Variants in MAGI2 observed in about 807,000 individuals in gnomAD.
MAGI2 encodes the protein membrane associated guanylate kinase, WW and PDZ domain containing 2.
MAGI2 carries 35 observed loss-of-function variants against 133.3 expected under a neutral mutation model. The observed-to-expected ratio is 0.26, with a 90% CI of 0.20 to 0.35. The LOEUF is 0.35. Among genes scored for constraint, MAGI2 ranks in the 10% least tolerant of loss-of-function variants. The pLI is 1.00. For missense variants in MAGI2, 1,636 were observed against 1,863.4 expected, an observed-to-expected ratio of 0.88 and a Z score of 2.25; for synonymous variants, 729 against 710.6, an observed-to-expected ratio of 1.03 and a Z score of -0.41.
At chr7:78,511,554 T>TAA (rs372551773) in intron 4 of MAGI2, among the ~76,000 whole-genome samples, 21,199 of 101,424 alleles carry the variant, frequency 0.21, 1,391 homozygotes, top group South Asian at 0.38. Flanking sequence ...TATATAAATT[T>TAA]TTTTTTTTTT....
At position 78,829,224 on chromosome 7, in the gene MAGI2, G is replaced by C. The variant is rs138681997; in HGVS notation, c.418+177866C>G. On this transcript the variant is annotated intron_variant, in intron 2 of 21. Coordinates refer to ENST00000354212, the MANE Select transcript of MAGI2 (RefSeq NM_012301.4). ...TAAATTTTTATTAGTGTCCATCTAG[G>C]TTACAAGATTTTTCTTTTCTGTGAA... 2.6e-3 allele frequency among the ~76,000 whole-genome samples: 399 copies of C among 151,912 alleles called. 1 individual carries two copies. The highest frequency in any genetic ancestry group is 0.017 in the Middle Eastern group (5 of 294).
At chr7:78,179,550 A>G (rs1584283915) in intron 13 of MAGI2, among the ~76,000 whole-genome samples, 3 of 152,310 alleles carry the variant, frequency 2.0e-5, no homozygotes, top group Non-Finnish European at 4.4e-5. Flanking sequence ...GTGCTCTTTT[A>G]AATAAAGATG....
chr7:78,567,067 A>T (rs1052666151), intron 3 of MAGI2, among the ~76,000 whole-genome samples: 1 of 152,220 alleles, frequency 6.6e-6, no homozygotes, highest in African/African-American at 2.4e-5. Flanking sequence ...TTGAGAAAAC[A>T]CATAGTTTAC....
chr7:78,355,778 T>C (rs1035741757), intron 7 of MAGI2, among the ~76,000 whole-genome samples: 4 of 152,202 alleles, frequency 2.6e-5, no homozygotes, highest in Admixed American at 2.6e-4. Flanking sequence ...CAGTTTTCAT[T>C]ACGAAATTGG....
At chr7:78,326,643 A>T (rs1022569251) in intron 9 of MAGI2, among the ~76,000 whole-genome samples, 1 of 152,120 alleles carries the variant, frequency 6.6e-6, no homozygotes, top group East Asian at 1.9e-4. Context: ...ACAGAAGGGG[A>T]GGTGGAAGAG....
chr7:78,718,715 G>C (rs1000989533), intron 2 of MAGI2, among the ~76,000 whole-genome samples: 6 of 151,926 alleles, frequency 3.9e-5, no homozygotes, highest in Non-Finnish European at 8.8e-5. Context: ...AATAATAATA[G>C]AAATAAAGTA....
At chr7:78,860,525 G>T (rs1425575394) in intron 2 of MAGI2, among the ~76,000 whole-genome samples, 1 of 152,180 alleles carries the variant, frequency 6.6e-6, no homozygotes, top group African/African-American at 2.4e-5. Flanking sequence ...GACCCTGTTT[G>T]CCTGGGTATC....
intron 2 of MAGI2, among the ~76,000 whole-genome samples, chr7:78,828,250 G>T (rs1175163835): frequency 6.6e-6 from 1 of 152,118 alleles, no homozygotes. Flanking sequence ...TGGCAAAAGG[G>T]GTAATGAGAG....
rs10666435 is a variant in MAGI2 at position 78,853,957 on chromosome 7, T to TTCTCTC, written c.418+153127_418+153132dup. Among the ~76,000 whole-genome samples, 43 of 148,592 alleles carry TTCTCTC rather than the reference T, an allele frequency of 2.9e-4. No homozygotes were observed. In the East Asian group the frequency reaches 3.6e-3, roughly 13 times the overall value. ...ATCTACTGCTGTTATGTTGATATGTTTCTCTCTCTCTCTCTCTCTCTGTGA... is the reference window on the plus strand; with the variant it reads ...ATCTACTGCTGTTATGTTGATATGTTTCTCTCTCTCTCTCTCTCTCTCTCTCTGTGA... On this transcript the variant is annotated intron_variant, in intron 2 of 21. Coordinates refer to ENST00000354212, the MANE Select transcript of MAGI2 (RefSeq NM_012301.4).
rs188633441 is a variant in MAGI2, at chr7:79,001,102, A to T, written c.418+5988T>A. On this transcript the variant is annotated intron_variant, in intron 2 of 21. Transcript: ENST00000354212. ...CATCTAATTTTTGTATTTTTAGTAG[A>T]AATGGGGTTTCACCATGTTGGCCAG... Among the ~76,000 whole-genome samples, 452 of 152,262 alleles carry T rather than the reference A, an allele frequency of 3.0e-3. 1 individual carries two copies. The highest frequency in any genetic ancestry group is 0.01 in the African/African-American group (432 of 41,564).
At chr7:78,376,831 C>A (rs2151281824) in intron 6 of MAGI2, among the ~76,000 whole-genome samples, 1 of 152,072 alleles carries the variant, frequency 6.6e-6, no homozygotes, top group East Asian at 1.9e-4. Flanking sequence ...CTGGTAAAGA[C>A]TTAGCAAGAG....
chr7:78,914,494 T>G (rs963426849), intron 2 of MAGI2, among the ~76,000 whole-genome samples: 6 of 152,174 alleles, frequency 3.9e-5, no homozygotes, highest in African/African-American at 1.4e-4. Context: ...TTGTGTGAAA[T>G]AATTTGATCT....
intron 10 of MAGI2, among the ~76,000 whole-genome samples, chr7:78,215,257 G>T (rs561942446): frequency 2.3e-4 from 35 of 152,090 alleles, no homozygotes; most frequent in Non-Finnish European, 3.8e-4. Flanking sequence ...GAACATGGGG[G>T]GATAAGGATT....
At chr7:78,220,457 A>G (rs1006025035) in intron 10 of MAGI2, among the ~76,000 whole-genome samples, 2 of 152,194 alleles carry the variant, frequency 1.3e-5, no homozygotes, top group Non-Finnish European at 2.9e-5. Context: ...CAGGGGCAAC[A>G]TCCTGTTTGT....
At chr7:78,762,575 G>C (rs1266957927) in intron 2 of MAGI2, among the ~76,000 whole-genome samples, 1 of 152,122 alleles carries the variant, frequency 6.6e-6, no homozygotes, top group East Asian at 1.9e-4. Flanking sequence ...ACAAGAAGAG[G>C]ATCATCTCAA....
intron 1 of MAGI2, among the ~76,000 whole-genome samples, chr7:79,091,955 T>G (rs1817093714): frequency 6.6e-6 from 1 of 151,922 alleles, no homozygotes; most frequent in Non-Finnish European, 1.5e-5. Context: ...TGGACCATAG[T>G]TTGCTGATTC....
chr7:78,501,464 C>T (rs1289404933), intron 5 of MAGI2, 113 bp downstream of exon 5: 1 of 930,514 alleles, frequency 1.1e-6, no homozygotes, highest in Non-Finnish European at 1.6e-6. Context: ...AAAGCTGTTA[C>T]CAGAATTTCA....
chr7:78,630,569 A>G (rs917341665), intron 2 of MAGI2, among the ~76,000 whole-genome samples: 1 of 151,726 alleles, frequency 6.6e-6, no homozygotes, highest in African/African-American at 2.4e-5. Context: ...GGTGTGCGCC[A>G]CCACACCTGG....
intron 1 of MAGI2, among the ~76,000 whole-genome samples, chr7:79,308,758 T>C (rs896088494): frequency 6.6e-6 from 1 of 152,182 alleles, no homozygotes; most frequent in African/African-American, 2.4e-5. Flanking sequence ...TTACTAAGTA[T>C]GTGAAGAATA....
Sources: allele counts gnomAD v4.1 joint callset (sites outside exome capture counted in the v4.1 genomes callset), GRCh38; gene constraint gnomAD v4.1.1; transcripts MANE v1.5; gene names NCBI Gene and HGNC (gene_info 2026-07-23, HGNC 2026-07-21).